COL5A1: variants seen among roughly 807,000 people sequenced by gnomAD.
COL5A1 encodes the protein collagen type V alpha 1 chain, also known as collagen alpha-1(V) chain.
In COL5A1, 16 loss-of-function variants were observed where a neutral mutation model predicts 263.7. That is an observed-to-expected ratio of 0.06 (90% confidence interval 0.04 to 0.09). The LOEUF (loss-of-function observed/expected upper bound fraction) is 0.09, where lower values mean the gene tolerates loss of function less well. Ranked by LOEUF, COL5A1 falls within the 10% of genes least tolerant of loss-of-function variation. COL5A1 has a pLI of 1.00. For missense variants in COL5A1, 2,036 were observed against 2,540.5 expected (o/e 0.80, Z 4.27); for synonymous variants, 1,012 against 1,004.5 (o/e 1.01, Z -0.14).
intron 1 of COL5A1, among the ~76,000 whole-genome samples, chr9:134,662,522 G>A (rs1325715351): frequency 6.6e-6 from 1 of 152,254 alleles, no homozygotes; most frequent in Non-Finnish European, 1.5e-5. Context: ...GCCCAGTGCT[G>A]CCTGCCAAGG....
At chr9:134,813,887 C>T (rs1838635984) in intron 48 of COL5A1, 96 bp from the exon 49 acceptor site, 2 of 1,389,000 alleles carry the variant, frequency 1.4e-6, no homozygotes, top group African/African-American at 1.4e-5. Context: ...CAGGGGCAGG[C>T]AGACAGCAGG....
Position 134,772,923 on chromosome 9 carries a change from A to G in COL5A1, c.2331+89A>G, listed in dbSNP as rs1836912520. 2.9e-6 allele frequency: 4 copies of G among 1,367,562 alleles called. No homozygotes were observed. The East Asian group carries it at 9.2e-5, about 31-fold the overall frequency. 84.7% of individuals were successfully genotyped at this position (1,367,562 alleles called of 1,614,324 possible). On this transcript the variant is annotated intron_variant, in intron 26 of 65. Coordinates refer to ENST00000371817, the MANE Select transcript of COL5A1 (RefSeq NM_000093.5). ...GCTCAGCCTCTGCTCAGGGACATCC[A>G]GCTTGGAAAGGAAGGAGCCGGGGAC...
At chr9:134,797,641 C>T (rs1316417615) in intron 36 of COL5A1, among the ~76,000 whole-genome samples, 1 of 152,166 alleles carries the variant, frequency 6.6e-6, no homozygotes, top group African/African-American at 2.4e-5. Flanking sequence ...CGCCACCACA[C>T]CCAGCTAATT....
rs755444866 is a variant in COL5A1 at position 134,818,638 on chromosome 9, C to T, written c.4231-18C>T. ...GCCTAGAGCTCCGGACCTCATTCTGCCCTCCGCCGTCCTGCAGGGAGAAGC... is the reference window on the plus strand; with the variant it reads ...GCCTAGAGCTCCGGACCTCATTCTGTCCTCCGCCGTCCTGCAGGGAGAAGC... On this transcript the variant is annotated intron_variant, in intron 54 of 65. Transcript: ENST00000371817. This position sits in a 1 kb window ranked among gnomAD's most constrained non-coding sequence, Gnocchi z 6.0. The T allele has an allele frequency of 4.4e-6, 7 of 1,587,548 alleles. No individual in the cohort carries two copies. The highest frequency in any genetic ancestry group is 5.2e-6 in the Non-Finnish European group (6 of 1,162,620).
chr9:134,800,552 C>G (rs1454953371), intron 37 of COL5A1, among the ~76,000 whole-genome samples: 1 of 152,040 alleles, frequency 6.6e-6, no homozygotes, highest in African/African-American at 2.4e-5. Context: ...TGAGACCAGC[C>G]CGGCCAACAT....
Position 134,759,662 on chromosome 9 carries a change from ATGCACACCC to A in COL5A1, c.1935+1367_1935+1375del, listed in dbSNP as rs1564438442. ...TTCATACACACATGCACACATACGCATGCACACCCCCACACCCCCACACTCATACACATA... is the reference window on the plus strand; with the variant it reads ...TTCATACACACATGCACACATACGCACCACACCCCCACACTCATACACATA... On this transcript the variant is annotated intron_variant, in intron 18 of 65. Transcript: ENST00000371817. Among the ~76,000 whole-genome samples, 204 of 87,152 alleles carry A rather than the reference ATGCACACCC, an allele frequency of 2.3e-3. 2 individuals are homozygous for A. Among genetic ancestry groups the A allele is most frequent in the African/African-American group, 7.1e-3 (99 of 13,884 alleles). The allele number at this position is 87,152 out of a possible 152,430, so 57.2% of individuals were successfully genotyped here. A position where few individuals can be genotyped will look rare whatever the true frequency, so the allele number is the denominator to read the frequency against.
At chr9:134,786,979 C>G (rs1485743906) in intron 31 of COL5A1, among the ~76,000 whole-genome samples, 4 of 152,204 alleles carry the variant, frequency 2.6e-5, no homozygotes, top group Non-Finnish European at 5.9e-5. Context: ...GAATGCGAAG[C>G]CCCCTGCTCC....
chr9:134,794,177 C>T lies in COL5A1; in HGVS notation c.2701-905C>T, dbSNP rs1231805132. ...CCTGTCTCTACTAAAATTAGCTGGGCGTGGTGGCACACACCTGTAGTCTGT... is the reference window on the plus strand; with the variant it reads ...CCTGTCTCTACTAAAATTAGCTGGGTGTGGTGGCACACACCTGTAGTCTGT... On this transcript the variant is annotated intron_variant, in intron 32 of 65. Transcript: ENST00000371817. The surrounding 1 kb of genome is among the most constrained non-coding windows in gnomAD (Gnocchi z 4.3). Among the ~76,000 whole-genome samples, 3 of 152,110 alleles carry T rather than the reference C, an allele frequency of 2.0e-5. No homozygotes were observed. Among genetic ancestry groups the T allele is most frequent in the Non-Finnish European group, 4.4e-5 (3 of 68,020 alleles).
At chr9:134,708,423 G>GC (rs1564401710) in intron 4 of COL5A1, 15 of 379,410 alleles carry the variant, frequency 4.0e-5, no homozygotes, top group South Asian at 6.2e-5. Flanking sequence ...AACTCCCGGG[G>GC]TGGGGGCTCT....
chr9:134,756,843 T>C (rs1188087200), intron 17 of COL5A1, 25 bp downstream of exon 17: 8 of 1,611,094 alleles, frequency 5.0e-6, no homozygotes, highest in Non-Finnish European at 6.8e-6. Flanking sequence ...ACCCTCCTGG[T>C]GCCCTGGCAT....
Position 134,788,682 on chromosome 9 carries a change from CAGAT to C in COL5A1, c.2647-470_2647-467del, listed in dbSNP as rs200950719. On this transcript the variant is annotated intron_variant, in intron 31 of 65. Coordinates refer to ENST00000371817, the MANE Select transcript of COL5A1 (RefSeq NM_000093.5). ...ATGGATAGACAGATAGATGGATAGACAGATAGGTGGGCCAGTGGGTAAACAGGTG... is the reference window on the plus strand; with the variant it reads ...ATGGATAGACAGATAGATGGATAGACAGGTGGGCCAGTGGGTAAACAGGTG... 7.5e-3 allele frequency among the ~76,000 whole-genome samples: 1,089 copies of C among 145,438 alleles called. 14 individuals carry two copies. The highest frequency in any genetic ancestry group is 0.027 in the African/African-American group (1,018 of 38,338).
intron 1 of COL5A1, among the ~76,000 whole-genome samples, chr9:134,656,592 C>A (rs1831981623): frequency 6.6e-6 from 1 of 152,252 alleles, no homozygotes; most frequent in Non-Finnish European, 1.5e-5. Context: ...GCCCGGTGTG[C>A]AGGACATCGT....
chr9:134,683,704 T>C (rs1564384832), intron 1 of COL5A1, among the ~76,000 whole-genome samples: 1 of 152,154 alleles, frequency 6.6e-6, no homozygotes, highest in Admixed American at 6.5e-5. Flanking sequence ...AAGGGCTCTG[T>C]TCCTGCCGCC....
intron 32 of COL5A1, among the ~76,000 whole-genome samples, chr9:134,792,840 TGTGTGTGTGCGCACAC>T (rs1274462825): frequency 9.0e-5 from 6 of 66,522 alleles, no homozygotes; most frequent in East Asian, 3.0e-4. Flanking sequence ...TGCATGTGTA[TGTGTGTGTGCGCACAC>T]GTGTGTGTGC....
chr9:134,660,015 CA>C (rs1452729972), intron 1 of COL5A1, among the ~76,000 whole-genome samples: 1 of 152,164 alleles, frequency 6.6e-6, no homozygotes, highest in East Asian at 1.9e-4. Context: ...GCAGGCGGGC[CA>C]GGGGTAGAAA....
chr9:134,833,767 G>T (rs1393371473), intron 64 of COL5A1, among the ~76,000 whole-genome samples: 1 of 152,214 alleles, frequency 6.6e-6, no homozygotes, highest in African/African-American at 2.4e-5. Flanking sequence ...AGTCTCCCTG[G>T]CCAGGGCCTT....
At chr9:134,837,494 C>CTCT (rs1334112938) in intron 65 of COL5A1, among the ~76,000 whole-genome samples, 8 of 152,030 alleles carry the variant, frequency 5.3e-5, no homozygotes, top group African/African-American at 1.9e-4. Flanking sequence ...ATCCCAGTTC[C>CTCT]TCTTGAAGCT....
At chr9:134,826,698 CTGGTATGTGGGGGTGTGTGGG>C (rs1421382963) in intron 63 of COL5A1, among the ~76,000 whole-genome samples, 3 of 83,990 alleles carry the variant, frequency 3.6e-5, no homozygotes, top group Admixed American at 1.0e-4. Flanking sequence ...GTGCGTGTGG[CTGGTATGTGGGGGTGTGTGGG>C]TGGTGTGTGG....
intron 27 of COL5A1, among the ~76,000 whole-genome samples, chr9:134,775,174 G>A (rs148138748): frequency 3.9e-5 from 6 of 152,358 alleles, no homozygotes; most frequent in African/African-American, 7.2e-5. Context: ...CGCCAGGGGC[G>A]CGCTGGCGGC....
Sources: gnomAD v4.1 joint callset for allele counts (sites outside exome capture counted in the v4.1 genomes callset) on GRCh38, gnomAD v4.1.1 for gene constraint, Gnocchi (gnomAD v3.1) non-coding constraint, MANE v1.5 for transcripts, NCBI Gene and HGNC (gene_info 2026-07-23, HGNC 2026-07-21) for gene names.